The following SEMA6D variants were observed in gnomAD, a reference collection of about 807,000 sequenced individuals.
The protein encoded by SEMA6D is semaphorin-6D.
In SEMA6D, 35 loss-of-function variants were observed where a neutral mutation model predicts 106.6. The ratio of observed to expected loss-of-function variants is 0.33; its 90% CI spans 0.25 to 0.44. The LOEUF (loss-of-function observed/expected upper bound fraction) is 0.44. Ranked by LOEUF, SEMA6D falls within the 20% of genes least tolerant of loss-of-function variation. The pLI is 1.00. For missense variants in SEMA6D, 1,185 were observed against 1,345.9 expected (o/e 0.88, Z 1.87); for synonymous variants, 499 against 487.7 (o/e 1.02, Z -0.31).
Position 47,405,397 on chromosome 15 carries a change from A to G in SEMA6D, c.-238-6996A>G, listed in dbSNP as rs557285053. 1.1e-4 allele frequency among the ~76,000 whole-genome samples: 16 copies of G among 152,200 alleles called. No individual in the cohort carries two copies. The South Asian group carries it at 3.3e-3, about 32-fold the overall frequency. On this transcript the variant is annotated intron_variant, in intron 1 of 19. Coordinates refer to the SEMA6D transcript ENST00000558014. ...TCAGACAGGCTCAGGACCTAGTCTG[A>G]GTCCATCCTAAACATCACCCTCCTC...
intron 1 of SEMA6D, among the ~76,000 whole-genome samples, chr15:47,196,017 A>T (rs1418707304): frequency 4.3e-5 from 4 of 93,898 alleles, no homozygotes; most frequent in Non-Finnish European, 4.3e-5. Flanking sequence ...TGAAGGGGAA[A>T]GTTTCAGATT....
rs1002574008 is a variant in SEMA6D at position 47,583,735 on chromosome 15, T to C, written c.-86-17130T>C. ...GAATGGGAATGTGTATTCCAGGACATGTGGCCAAGATGGCTTACAAGTCTT... is the reference window on the plus strand; with the variant it reads ...GAATGGGAATGTGTATTCCAGGACACGTGGCCAAGATGGCTTACAAGTCTT... On this transcript the variant is annotated intron_variant, in intron 3 of 19. Coordinates refer to the SEMA6D transcript ENST00000558014. Among the ~76,000 whole-genome samples the C allele has an allele frequency of 2.0e-4, 31 of 152,094 alleles. 1 individual carries two copies. The highest frequency in any genetic ancestry group is 4.8e-5 in the African/African-American group (2 of 41,400).
At chr15:47,610,327 T>A (rs1465197735) in intron 4 of SEMA6D, among the ~76,000 whole-genome samples, 1 of 152,200 alleles carries the variant, frequency 6.6e-6, no homozygotes, top group Non-Finnish European at 1.5e-5. Flanking sequence ...TGCCACAGCC[T>A]AACCCTTCTA....
At chr15:47,758,939 G>T (rs1213887812) in intron 1 of SEMA6D, among the ~76,000 whole-genome samples, 2 of 152,116 alleles carry the variant, frequency 1.3e-5, no homozygotes, top group African/African-American at 4.8e-5. Flanking sequence ...GGACTAGATG[G>T]TCCCTAAGGA....
chr15:47,557,139 C>T (rs989536464), intron 3 of SEMA6D, among the ~76,000 whole-genome samples: 3 of 152,040 alleles, frequency 2.0e-5, no homozygotes, highest in African/African-American at 7.2e-5. Flanking sequence ...CGGTGTGGTG[C>T]AGAGGAGCAG....
intron 1 of SEMA6D, among the ~76,000 whole-genome samples, chr15:47,280,376 C>G (rs1039277835): frequency 6.6e-6 from 1 of 151,098 alleles, no homozygotes; most frequent in East Asian, 2.0e-4. Context: ...TGGTGATATC[C>G]TCTTTATCAT....
At chr15:47,236,575 C>T (rs1473592950) in intron 1 of SEMA6D, among the ~76,000 whole-genome samples, 1 of 151,964 alleles carries the variant, frequency 6.6e-6, no homozygotes, top group Non-Finnish European at 1.5e-5. Flanking sequence ...TTTTATTAAC[C>T]TTCTAACATA....
chr15:47,671,792 G>A (rs193294621), intron 4 of SEMA6D, among the ~76,000 whole-genome samples: 7 of 152,222 alleles, frequency 4.6e-5, no homozygotes, highest in Non-Finnish European at 8.8e-5. Context: ...CAGCGATAAG[G>A]CTTGGAAACA....
At chr15:47,366,103 T>C (rs1161606774) in intron 1 of SEMA6D, among the ~76,000 whole-genome samples, 2 of 152,184 alleles carry the variant, frequency 1.3e-5, no homozygotes, top group Non-Finnish European at 2.9e-5. Flanking sequence ...ACAAAACTGA[T>C]CACAAATGAT....
chr15:47,403,231 C>A (rs2040455636), intron 1 of SEMA6D, among the ~76,000 whole-genome samples: 1 of 152,010 alleles, frequency 6.6e-6, no homozygotes, highest in Non-Finnish European at 1.5e-5. Context: ...ATAAAATGGA[C>A]CAGTAAATGC....
rs567007768 is a variant in SEMA6D at position 47,632,784 on chromosome 15, A to G, written c.-55+31888A>G. On this transcript the variant is annotated intron_variant, in intron 4 of 19. Transcript: ENST00000558014. The stretch of plus-strand genomic sequence containing the variant: ...CCATTTACGTTTAAGGTAATTATTC[A>G]TATGTTAATGCTTAAGTGTTTCATT... Among the ~76,000 whole-genome samples, 36 of 151,988 alleles carry G rather than the reference A, an allele frequency of 2.4e-4. No homozygotes were observed. In the East Asian group the frequency reaches 7.0e-3, roughly 29 times the overall value.
At chr15:47,494,734 G>T (rs2043581759) in intron 3 of SEMA6D, among the ~76,000 whole-genome samples, 1 of 57,810 alleles carries the variant, frequency 1.7e-5, no homozygotes, top group African/African-American at 6.0e-5. Context: ...CTGGAGAGTG[G>T]GATGGAGATA....
At chr15:47,305,196 A>G (rs1379374862) in intron 1 of SEMA6D, among the ~76,000 whole-genome samples, 1 of 152,158 alleles carries the variant, frequency 6.6e-6, no homozygotes, top group African/African-American at 2.4e-5. Context: ...TGTCTTTTAA[A>G]ATTTGGCCAA....
At chr15:47,437,012 AAAAG>A (rs899595148) in intron 2 of SEMA6D, among the ~76,000 whole-genome samples, 6 of 127,668 alleles carry the variant, frequency 4.7e-5, no homozygotes, top group Non-Finnish European at 6.8e-5. Context: ...GGAGGGAAAG[AAAAG>A]AAAGAAAGAG....
In SEMA6D at chr15:47,770,500, T is replaced by A. The variant is rs2147965151; in HGVS notation, c.1937T>A (p.Val646Glu). ...TDPLSGIPKG[V>E]RWEVQSGESN... ...TTGTCCCATGTGTCTATTTCAGGTG[T>A]ACGATGGGAAGTCCAGTCTGGAGAG... The change falls in exon 19 of 19, where the codon GTA (valine) becomes GAA (glutamate). Residue 646 changes from valine (V) to glutamate (E), a missense_variant. By Grantham distance (121) the Val-to-Glu change is moderately radical (BLOSUM62 -2). Coordinates refer to ENST00000536845, the MANE Select transcript of SEMA6D (RefSeq NM_001358351.3). The A allele has an allele frequency of 1.3e-6, 2 of 1,583,694 alleles. No homozygotes were observed. The highest frequency in any genetic ancestry group is 3.4e-4 in the Middle Eastern group (2 of 5,906).
chr15:47,354,903 C>A (rs995994539), intron 1 of SEMA6D, among the ~76,000 whole-genome samples: 15 of 152,244 alleles, frequency 9.9e-5, no homozygotes, highest in Admixed American at 6.5e-4. Flanking sequence ...CCCTACGGGA[C>A]AAAATCACTC....
chr15:47,531,305 AAAGAAACTAGG>A (rs1566862712), intron 3 of SEMA6D, among the ~76,000 whole-genome samples: 1 of 152,228 alleles, frequency 6.6e-6, no homozygotes, highest in Non-Finnish European at 1.5e-5. Context: ...TTTAAAGTGC[AAAGAAACTAGG>A]ATTCAAACAG....
Position 47,701,754 on chromosome 15 carries a change from C to T in SEMA6D, c.-54-57991C>T, listed in dbSNP as rs145382539. ...ATTTCCTCATATGGTATTAGAGAAGCTGCTTTAGTGATGATATATCCCCTT... is the reference window on the plus strand; with the variant it reads ...ATTTCCTCATATGGTATTAGAGAAGTTGCTTTAGTGATGATATATCCCCTT... On this transcript the variant is annotated intron_variant, in intron 4 of 19. Coordinates refer to the SEMA6D transcript ENST00000558014. 6.4e-3 allele frequency among the ~76,000 whole-genome samples: 977 copies of T among 152,208 alleles called. 7 individuals carry two copies. The highest frequency in any genetic ancestry group is 0.023 in the African/African-American group (944 of 41,536).
Position 47,771,711 on chromosome 15 carries a change from C to T in SEMA6D, c.3148C>T (p.Pro1050Ser), listed in dbSNP as rs1176877557. 5.0e-6 allele frequency: 8 copies of T among 1,614,084 alleles called. No homozygotes were observed. The highest frequency in any genetic ancestry group is 6.8e-6 in the Non-Finnish European group (8 of 1,179,960). ...ACTAAAGAGGACGCCGTCCTTAAAA[C>T]CTGACGTGCCACCAAAGCCTTCCTT... is the stretch of plus-strand genomic sequence containing the variant. Reference protein sequence around the residue: ...TGLKRTPSLKPDVPPKPSFVP... With the variant: ...TGLKRTPSLKSDVPPKPSFVP... Residue 1050 changes from proline (P) to serine (S), a missense_variant, in exon 19 of 19, where the codon CCT becomes TCT. By Grantham distance (74) the Pro-to-Ser change is moderately conservative. Transcript: ENST00000536845.
Sources: allele counts gnomAD v4.1 joint callset (sites outside exome capture counted in the v4.1 genomes callset), GRCh38; gene constraint gnomAD v4.1.1; transcripts MANE v1.5; gene names NCBI Gene and HGNC (gene_info 2026-07-23, HGNC 2026-07-21).